The following FOXN2 variants were observed in gnomAD, a reference collection of about 807,000 sequenced individuals.
The protein encoded by FOXN2 is forkhead box protein N2.
In FOXN2, 19 loss-of-function variants were observed where a neutral mutation model predicts 41.2. The observed-to-expected ratio is 0.46, with a 90% CI of 0.32 to 0.68. FOXN2 has a LOEUF of 0.68. Among genes scored for constraint, FOXN2 ranks in the 30% least tolerant of loss-of-function variants. The pLI is 0.03. For synonymous variants in FOXN2, 195 were observed against 176.8 expected (o/e 1.10, Z -0.82); for missense variants, 587 against 509.4 (o/e 1.15, Z -1.47).
intron 2 of FOXN2, among the ~76,000 whole-genome samples, chr2:48,333,628 A>G (rs1315301315): frequency 6.6e-6 from 1 of 152,200 alleles, no homozygotes; most frequent in African/African-American, 2.4e-5. Context: ...ATATTATATG[A>G]AATTCTAATG....
intron 4 of FOXN2, among the ~76,000 whole-genome samples, chr2:48,362,213 G>C (rs1672237463): frequency 6.6e-6 from 1 of 152,134 alleles, no homozygotes; most frequent in Admixed American, 6.6e-5. Context: ...AAGAAAACAA[G>C]GTAAAAATAG....
intron 2 of FOXN2, among the ~76,000 whole-genome samples, chr2:48,329,335 C>T (rs1237109718): frequency 1.3e-5 from 2 of 152,158 alleles, no homozygotes; most frequent in African/African-American, 2.4e-5. Context: ...AAAGTAAATT[C>T]AGTGGAAAGT....
In FOXN2 at chr2:48,342,356, A is replaced by G. The variant is rs187528305; in HGVS notation, c.-14-3845A>G. Reference sequence around the variant, plus strand: ...TTCCATTATCTTTAATAATTCTTGGATGAATATCTGTGTGTCCCTCCACAC... The same window carrying G: ...TTCCATTATCTTTAATAATTCTTGGGTGAATATCTGTGTGTCCCTCCACAC... On this transcript the variant is annotated intron_variant, in intron 2 of 6. Transcript: ENST00000340553. Among the ~76,000 whole-genome samples, 3 of 152,124 alleles carry G rather than the reference A, an allele frequency of 2.0e-5. No individual in the cohort carries two copies. The East Asian group carries it at 5.8e-4, about 29-fold the overall frequency.
At chr2:48,328,117 T>C (rs915703203) in intron 1 of FOXN2, among the ~76,000 whole-genome samples, 1 of 152,268 alleles carries the variant, frequency 6.6e-6, no homozygotes, top group African/African-American at 2.4e-5. Context: ...CATTGAAATA[T>C]TATTATACAT....
chr2:48,354,600 A>G (rs192575232), intron 3 of FOXN2, among the ~76,000 whole-genome samples: 1 of 152,398 alleles, frequency 6.6e-6, no homozygotes, highest in Admixed American at 6.5e-5. Context: ...CTTCGTCTCA[A>G]AAACAAAAAA....
intron 3 of FOXN2, among the ~76,000 whole-genome samples, chr2:48,347,312 C>T (rs760990419): frequency 1.3e-5 from 2 of 149,652 alleles, no homozygotes; most frequent in African/African-American, 2.5e-5. Flanking sequence ...CTGCAACCTC[C>T]GTCTCCTGGG....
Position 48,346,488 on chromosome 2 carries a change from G to C in FOXN2, c.274G>C (p.Asp92His). Reference protein sequence around the residue: ...VSPLYDIEGDDVPSFGPACYQ... With the variant: ...VSPLYDIEGDHVPSFGPACYQ... The stretch of plus-strand genomic sequence containing the variant: ...TCCATTGTATGACATAGAGGGAGAT[G>C]ATGTGCCATCCTTTGGACCAGCTTG... The change falls in exon 3 of 7, where the codon GAT (aspartate) becomes CAT (histidine). Residue 92 changes from aspartate to histidine, a missense_variant. Coordinates refer to ENST00000340553, the MANE Select transcript of FOXN2 (RefSeq NM_002158.4). 6.2e-7 allele frequency: 1 copy of C among 1,614,122 alleles called. No individual in the cohort carries two copies. Among genetic ancestry groups the C allele is most frequent in the East Asian group, 2.2e-5 (1 of 44,892 alleles).
At chr2:48,339,438 C>A (rs1670590911) in intron 2 of FOXN2, among the ~76,000 whole-genome samples, 1 of 152,146 alleles carries the variant, frequency 6.6e-6, no homozygotes, top group Non-Finnish European at 1.5e-5. Flanking sequence ...TCTCCTGCCA[C>A]CATGTGAAGA....
At chr2:48,360,326 A>G (rs1239460272) in intron 4 of FOXN2, among the ~76,000 whole-genome samples, 1 of 152,184 alleles carries the variant, frequency 6.6e-6, no homozygotes, top group African/African-American at 2.4e-5. Context: ...AAAATTTAAA[A>G]AGATTTTTAA....
At chr2:48,334,361 T>C (rs567575943) in intron 2 of FOXN2, among the ~76,000 whole-genome samples, 2 of 152,182 alleles carry the variant, frequency 1.3e-5, no homozygotes, top group African/African-American at 2.4e-5. Context: ...ATGACAACTC[T>C]TGTTAGAAGT....
chr2:48,370,092 C>A (rs971753831), intron 5 of FOXN2, among the ~76,000 whole-genome samples: 7 of 152,058 alleles, frequency 4.6e-5, no homozygotes, highest in Admixed American at 4.6e-4. Context: ...GCAAGTTGTG[C>A]CCTCTGCAAG....
At chr2:48,316,870 A>G (rs1251337031) in intron 1 of FOXN2, among the ~76,000 whole-genome samples, 1 of 152,220 alleles carries the variant, frequency 6.6e-6, no homozygotes, top group Non-Finnish European at 1.5e-5. Flanking sequence ...CTGCACAAGA[A>G]CTGTATAGAG....
chr2:48,326,488 T>A (rs182407410), intron 1 of FOXN2, among the ~76,000 whole-genome samples: 21 of 150,112 alleles, frequency 1.4e-4, no homozygotes, highest in African/African-American at 5.2e-4. Context: ...GAGAACAAAT[T>A]AAGAGAGAGT....
chr2:48,314,185 C>A (rs1668724171), upstream of FOXN2, among the ~76,000 whole-genome samples: 1 of 152,240 alleles, frequency 6.6e-6, no homozygotes, highest in African/African-American at 2.4e-5. Context: ...CGTGGGGTGT[C>A]GAGGAAGGTC....
intron 1 of FOXN2, among the ~76,000 whole-genome samples, chr2:48,321,379 A>G (rs1669305339): frequency 1.3e-5 from 2 of 151,880 alleles, no homozygotes; most frequent in South Asian, 2.1e-4. Flanking sequence ...CTAAAAATAC[A>G]AAAAAAATTA....
At chr2:48,318,186 C>G (rs1053382482) in intron 1 of FOXN2, among the ~76,000 whole-genome samples, 2 of 152,150 alleles carry the variant, frequency 1.3e-5, no homozygotes, top group African/African-American at 4.8e-5. Context: ...GTACATTTGT[C>G]ACAATTAAGG....
intron 2 of FOXN2, among the ~76,000 whole-genome samples, chr2:48,342,879 A>C (rs1239674360): frequency 3.3e-5 from 5 of 152,200 alleles, no homozygotes; most frequent in Admixed American, 2.6e-4. Context: ...CTTTGCTTGG[A>C]TTAACACTCT....
In FOXN2 at chr2:48,319,767, C is replaced by A. The variant is rs558317276; in HGVS notation, c.-157+4953C>A. On this transcript the variant is annotated intron_variant, in intron 1 of 6. Coordinates refer to ENST00000340553, the MANE Select transcript of FOXN2 (RefSeq NM_002158.4). ...CTGGGACCACAGGGGCGCTCCACCA[C>A]CCCTGGCTAATTTTTTAATTTTTTT... 3.2e-3 allele frequency among the ~76,000 whole-genome samples: 485 copies of A among 150,276 alleles called. 5 individuals carry two copies. Among genetic ancestry groups the A allele is most frequent in the African/African-American group, 0.011 (459 of 41,050 alleles).
chr2:48,353,913 T>C (rs917375847), intron 3 of FOXN2, among the ~76,000 whole-genome samples: 3 of 152,192 alleles, frequency 2.0e-5, no homozygotes, highest in Admixed American at 6.5e-5. Flanking sequence ...TTTACCCTTA[T>C]AGTTAACAGT....
Sources: allele counts gnomAD v4.1 joint callset (sites outside exome capture counted in the v4.1 genomes callset), GRCh38; gene constraint gnomAD v4.1.1; transcripts MANE v1.5; gene names NCBI Gene and HGNC (gene_info 2026-07-23, HGNC 2026-07-21).